Variants in SORBS2 observed in about 807,000 individuals in gnomAD.
The protein encoded by SORBS2 is sorbin and SH3 domain-containing protein 2.
A neutral mutation model predicts 97.7 loss-of-function variants in SORBS2; 46 were observed. The observed-to-expected ratio is 0.47, with a 90% CI of 0.37 to 0.60. The LOEUF (loss-of-function observed/expected upper bound fraction) is 0.60. Among genes scored for constraint, SORBS2 ranks in the 20% least tolerant of loss-of-function variants. The pLI, the probability that SORBS2 is intolerant of heterozygous loss-of-function variation, is 0.00. For missense variants in SORBS2, 1,316 were observed against 1,282.3 expected (o/e 1.03, Z -0.40); for synonymous variants, 476 against 473.4 (o/e 1.01, Z -0.07).
rs2097533288 is a variant in SORBS2 at position 185,662,246 on chromosome 4, A to C, written c.-45-4T>G. The C allele has an allele frequency of 1.2e-6, 2 of 1,601,042 alleles. No homozygotes were observed. The highest frequency in any genetic ancestry group is 1.7e-6 in the Non-Finnish European group (2 of 1,173,364). ...TTCCATTCACTGTTATCTGGCTCTG[A>C]GAAAAGCGCAAAGGCATCGAGTTAA... On this transcript the variant is annotated splice_polypyrimidine_tract_variant and splice_region_variant and intron_variant, in intron 4 of 20. Transcript: ENST00000284776.
chr4:185,633,248 T>C (rs1451741052), intron 4 of SORBS2, among the ~76,000 whole-genome samples: 1 of 152,190 alleles, frequency 6.6e-6, no homozygotes, highest in Non-Finnish European at 1.5e-5. Flanking sequence ...AGGTAATGTC[T>C]AATCAATTAC....
chr4:185,593,677 C>A (rs1012705566), intron 13 of SORBS2: 3 of 530,118 alleles, frequency 5.7e-6, no homozygotes, highest in African/African-American at 3.9e-5. Flanking sequence ...CAATTAAAAT[C>A]TTCTCAGAGA....
chr4:185,936,861 C>T (rs2099269200), intron 1 of SORBS2, among the ~76,000 whole-genome samples: 1 of 152,196 alleles, frequency 6.6e-6, no homozygotes, highest in Non-Finnish European at 1.5e-5. Flanking sequence ...GCATGCACGG[C>T]ACGGCACAGC....
At chr4:185,859,366 C>T (rs1160155743) in intron 1 of SORBS2, among the ~76,000 whole-genome samples, 1 of 152,182 alleles carries the variant, frequency 6.6e-6, no homozygotes, top group Admixed American at 6.5e-5. Context: ...CTCCTCCACG[C>T]TGTGCCTGCC....
chr4:185,868,301 C>T (rs931135877), intron 1 of SORBS2, among the ~76,000 whole-genome samples: 7 of 151,262 alleles, frequency 4.6e-5, no homozygotes, highest in Non-Finnish European at 8.8e-5. Context: ...GGATTACAGG[C>T]GTGTGCCACC....
chr4:185,904,440 C>T (rs1268130448), intron 1 of SORBS2, among the ~76,000 whole-genome samples: 4 of 152,162 alleles, frequency 2.6e-5, no homozygotes, highest in Non-Finnish European at 4.4e-5. Context: ...CCTCTTCAGG[C>T]TTTGGACTGT....
At chr4:185,773,829 T>C (rs1162229727) in intron 2 of SORBS2, 1 of 152,204 alleles carries the variant, frequency 6.6e-6, no homozygotes, top group Non-Finnish European at 1.5e-5. Flanking sequence ...CCAAAGCTGA[T>C]TGAATGGCTA....
intron 1 of SORBS2, among the ~76,000 whole-genome samples, chr4:185,873,480 G>A (rs1020417378): frequency 1.3e-5 from 2 of 152,148 alleles, no homozygotes; most frequent in Admixed American, 1.3e-4. Flanking sequence ...GACAGCTTTA[G>A]TTGTGTTTCC....
At chr4:185,688,505 A>ATAGATAGATAG (rs369834856) in intron 2 of SORBS2, among the ~76,000 whole-genome samples, 8 of 127,680 alleles carry the variant, frequency 6.3e-5, no homozygotes, top group South Asian at 2.3e-4. Flanking sequence ...TAGATAGATA[A>ATAGATAGATAG]ATAGATAGAT....
rs1217913496 is a variant in SORBS2, at chr4:185,652,063, C to T, written c.91+599G>A. On this transcript the variant is annotated intron_variant, in intron 2 of 14. Transcript: ENST00000418609. Reference sequence around the variant, plus strand: ...TACTGCAGCCTCCAAACCTCCAACCCCTGGGCTCAAATCATTCTCCCACAT... The same window carrying T: ...TACTGCAGCCTCCAAACCTCCAACCTCTGGGCTCAAATCATTCTCCCACAT... Among the ~76,000 whole-genome samples, 5 of 152,216 alleles carry T rather than the reference C, an allele frequency of 3.3e-5. No individual in the cohort carries two copies. In the East Asian group the frequency reaches 9.7e-4, roughly 29 times the overall value.
intron 4 of SORBS2, among the ~76,000 whole-genome samples, chr4:185,675,902 C>T (rs60618255): frequency 0.12 from 17,944 of 151,932 alleles, 2,190 homozygotes; most frequent in African/African-American, 0.29. Context: ...GTTTAAGGCT[C>T]GTCTGCTTTA....
intron 1 of SORBS2, among the ~76,000 whole-genome samples, chr4:185,849,794 CTG>C (rs573588797): frequency 3.5e-4 from 54 of 152,280 alleles, no homozygotes; most frequent in Admixed American, 7.2e-4. Flanking sequence ...TCACAGAAGA[CTG>C]AGAGACGACA....
intron 4 of SORBS2, among the ~76,000 whole-genome samples, chr4:185,640,398 T>A (rs950371347): frequency 1.3e-5 from 2 of 152,224 alleles, no homozygotes; most frequent in African/African-American, 4.8e-5. Flanking sequence ...TTCTTTCTTT[T>A]AAATATTATT....
intron 3 of SORBS2, among the ~76,000 whole-genome samples, chr4:185,648,720 C>G (rs73030036): frequency 6.6e-6 from 1 of 152,078 alleles, no homozygotes; most frequent in Non-Finnish European, 1.5e-5. Context: ...TTGGACATAA[C>G]GAGCTGCATG....
At chr4:185,955,524 T>G (rs1250250941) in intron 1 of SORBS2, among the ~76,000 whole-genome samples, 1 of 152,206 alleles carries the variant, frequency 6.6e-6, no homozygotes. Flanking sequence ...ATGCCTCACC[T>G]AATGCAATAT....
chr4:185,652,665 G>A (rs1027079691), exon 2 of SORBS2: 2 of 1,613,546 alleles, frequency 1.2e-6, no homozygotes, highest in Admixed American at 1.7e-5. Flanking sequence ...GACATACCCG[G>A]CTTGTGCACC....
intron 4 of SORBS2, chr4:185,677,140 G>T: frequency 6.4e-7 from 1 of 1,551,698 alleles, no homozygotes. Context: ...GGAGCTATCT[G>T]AATGGAAAGA....
Position 185,724,533 on chromosome 4 carries a change from T to C in SORBS2, c.-197-45711A>G, listed in dbSNP as rs576604480. On this transcript the variant is annotated intron_variant, in intron 2 of 20. Transcript: ENST00000284776. ...TGTTCTAACCTAACTTTCCTACCTCTCTTCACTGTCATTTATATTGTTGCC... is the reference window on the plus strand; with the variant it reads ...TGTTCTAACCTAACTTTCCTACCTCCCTTCACTGTCATTTATATTGTTGCC... Among the ~76,000 whole-genome samples, 22 of 152,240 alleles carry C rather than the reference T, an allele frequency of 1.4e-4. No homozygotes were observed. In the South Asian group the frequency reaches 4.6e-3, roughly 32 times the overall value.
At chr4:185,621,021 A>G (rs565756840) in intron 7 of SORBS2, among the ~76,000 whole-genome samples, 1 of 152,358 alleles carries the variant, frequency 6.6e-6, no homozygotes, top group Admixed American at 6.5e-5. Flanking sequence ...ATGTAACTAG[A>G]CATTAAATGT....
Sources: allele counts gnomAD v4.1 joint callset (sites outside exome capture counted in the v4.1 genomes callset), GRCh38; gene constraint gnomAD v4.1.1; transcripts MANE v1.5; gene names NCBI Gene and HGNC (gene_info 2026-07-23, HGNC 2026-07-21).